Variants in BAZ2A observed in about 807,000 individuals in gnomAD.
BAZ2A encodes the protein bromodomain adjacent to zinc finger domain protein 2A.
Under a neutral mutation model 199.9 loss-of-function variants are expected in BAZ2A, and 34 were observed. That is an observed-to-expected ratio of 0.17 (90% CI 0.13 to 0.23). BAZ2A has a LOEUF of 0.23. BAZ2A is among the 10% of genes least tolerant of loss of function. The pLI, the probability that BAZ2A is intolerant of heterozygous loss-of-function variation, is 1.00. For synonymous variants in BAZ2A, 857 were observed against 883.9 expected, an observed-to-expected ratio of 0.97 and a Z score of 0.54; for missense variants, 2,002 against 2,391.1, an observed-to-expected ratio of 0.84 and a Z score of 3.39.
At chr12:56,615,703 A>G (rs1196831573) in intron 2 of BAZ2A, 96 bp from the exon 3 acceptor site, 9 of 991,126 alleles carry the variant, frequency 9.1e-6, no homozygotes, top group Non-Finnish European at 1.2e-5. Context: ...AGAAAAAGAC[A>G]TGGTAAAGGG....
chr12:56,607,373 A>AC (rs1950396026), intron 10 of BAZ2A, among the ~76,000 whole-genome samples: 1 of 152,134 alleles, frequency 6.6e-6, no homozygotes, highest in Admixed American at 6.5e-5. Context: ...GACTATATAT[A>AC]CATATATATA....
chr12:56,625,629 G>A (rs976829743), intron 1 of BAZ2A, among the ~76,000 whole-genome samples: 7 of 151,930 alleles, frequency 4.6e-5, no homozygotes, highest in African/African-American at 1.7e-4. Flanking sequence ...TGTAATCCCA[G>A]CACTTTGGGA....
At chr12:56,632,236 A>T, upstream of BAZ2A, among the ~76,000 whole-genome samples, 1 of 152,208 alleles carries the variant, frequency 6.6e-6, no homozygotes, top group Non-Finnish European at 1.5e-5. Context: ...ACTTCTGCTA[A>T]GAAATGCCTC....
chr12:56,619,406 G>A (rs1438273821), intron 1 of BAZ2A, among the ~76,000 whole-genome samples: 1 of 150,548 alleles, frequency 6.6e-6, no homozygotes, highest in Non-Finnish European at 1.5e-5. Flanking sequence ...TTACTCGAGA[G>A]GCTAAGGCAG....
chr12:56,609,101 A>G (rs1044732951), intron 10 of BAZ2A, among the ~76,000 whole-genome samples: 2 of 151,550 alleles, frequency 1.3e-5, no homozygotes, highest in African/African-American at 2.4e-5. Context: ...GATGGTCTCA[A>G]TCTCTTGACC....
rs1019335211 is a variant in BAZ2A, at chr12:56,597,657, C to CACAA, written c.*960_*961insTTGT. ...AGGCCGACACACACACACACACACACACACACACACACACACAGCGCTCTC... is the reference window on the plus strand; with the variant it reads ...AGGCCGACACACACACACACACACACACAAACACACACACACACACAGCGCTCTC... On this transcript the variant is annotated 3_prime_UTR_variant, in exon 29 of 29. Transcript: ENST00000549884. The CACAA allele has an allele frequency of 6.4e-6, 1 of 155,370 alleles. No homozygotes were observed. Among genetic ancestry groups the CACAA allele is most frequent in the Non-Finnish European group, 1.4e-5 (1 of 70,918 alleles). The allele number at this position is 155,370 out of a possible 1,614,324, so 9.6% of individuals were successfully genotyped here. A position where few individuals can be genotyped will look rare whatever the true frequency, so the allele number is the denominator to read the frequency against.
chr12:56,607,220 C>G (rs1227417448), intron 10 of BAZ2A, among the ~76,000 whole-genome samples: 2 of 152,304 alleles, frequency 1.3e-5, no homozygotes, highest in South Asian at 2.1e-4. Flanking sequence ...GTGGACACCT[C>G]AAAAGAATCA....
Position 56,617,542 on chromosome 12 carries a change from G to A in BAZ2A, c.-2-10C>T. ...TCGTTTGCCTCCATTTCTGCAGGAG[G>A]GGAGAGAGAGGGAAAAAAAATACTG... is the stretch of plus-strand genomic sequence containing the variant. On this transcript the variant is annotated splice_polypyrimidine_tract_variant and intron_variant, in intron 1 of 28. Transcript: ENST00000549884. 2 of 1,599,090 alleles carry A rather than the reference G, an allele frequency of 1.3e-6. No homozygotes were observed. Among genetic ancestry groups the A allele is most frequent in the South Asian group, 1.1e-5 (1 of 88,528 alleles).
chr12:56,601,143 T>C lies in BAZ2A; in HGVS notation c.4294+37A>G, dbSNP rs1405182296. 1.9e-6 allele frequency: 3 copies of C among 1,613,922 alleles called. No homozygotes were observed. In the South Asian group the frequency reaches 3.3e-5, roughly 18 times the overall value. ...ATGTGGGGCGCCAGCTGTGAAGCAC[T>C]GCCCACACCGGATGCCCTCACTCCA... On this transcript the variant is annotated intron_variant, in intron 21 of 28. Transcript: ENST00000549884.
chr12:56,625,744 C>T (rs1261349567), intron 1 of BAZ2A, among the ~76,000 whole-genome samples: 8 of 151,264 alleles, frequency 5.3e-5, no homozygotes, highest in East Asian at 1.9e-4. Flanking sequence ...GGCATGGTGG[C>T]GCGCGCCTGT....
rs1885947598 is a variant in BAZ2A at position 56,597,600 on chromosome 12, G to GCCACAC, written c.*1017_*1018insGTGTGG. 6.1e-5 allele frequency: 5 copies of GCCACAC among 81,368 alleles called. No homozygotes were observed. The highest frequency in any genetic ancestry group is 1.7e-4 in the African/African-American group (5 of 28,626). 5.0% of individuals were successfully genotyped at this position (81,368 alleles called of 1,614,324 possible). ...CACACACAGCGCGCGCTCTGAGGCT[G>GCCACAC]ACACACACACACACACACACAGCGC... is the stretch of plus-strand genomic sequence containing the variant. On this transcript the variant is annotated 3_prime_UTR_variant, in exon 29 of 29. Transcript: ENST00000549884.
At chr12:56,620,629 G>A (rs946027620) in intron 1 of BAZ2A, among the ~76,000 whole-genome samples, 3 of 150,460 alleles carry the variant, frequency 2.0e-5, no homozygotes, top group South Asian at 2.1e-4. Context: ...GTGTGATCTC[G>A]GCTCACTGCA....
chr12:56,616,197 G>A (rs1565827475), intron 2 of BAZ2A, among the ~76,000 whole-genome samples: 1 of 152,090 alleles, frequency 6.6e-6, no homozygotes, highest in African/African-American at 2.4e-5. Flanking sequence ...CACCACGCCT[G>A]GCCTTTTTTT....
chr12:56,612,292 T>C (rs763363665), intron 5 of BAZ2A, 46 bp from the exon 6 acceptor site: 29 of 1,449,350 alleles, frequency 2.0e-5, no homozygotes, highest in Non-Finnish European at 2.5e-5. Flanking sequence ...AAAAAAGGCA[T>C]CACATAAAAC....
chr12:56,608,071 T>A (rs1410865097), intron 10 of BAZ2A, among the ~76,000 whole-genome samples: 1 of 135,390 alleles, frequency 7.4e-6, no homozygotes, highest in East Asian at 2.1e-4. Flanking sequence ...CAAAACTCCA[T>A]CTGGAAAAAA....
intron 7 of BAZ2A, 106 bp from the exon 8 acceptor site, chr12:56,610,623 T>C: frequency 1.1e-6 from 1 of 924,732 alleles, no homozygotes; most frequent in East Asian, 2.6e-5. Context: ...CACATTTGTA[T>C]CTCTAGAACT....
At position 56,609,975 on chromosome 12, in the gene BAZ2A, A is replaced by G. The variant is rs1043509856; in HGVS notation, c.1882-29T>C. 2.5e-6 allele frequency: 4 copies of G among 1,610,002 alleles called. No homozygotes were observed. The African/African-American group carries it at 5.3e-5, about 22-fold the overall frequency. On this transcript the variant is annotated intron_variant, in intron 9 of 28. Transcript: ENST00000549884. ...AGGTAGCAAGGGAGACTGTTACAGT[A>G]GTAAGGAATCAGTGCAGGCCACGAG... is the stretch of plus-strand genomic sequence containing the variant.
At chr12:56,634,344 T>G (rs561355879), upstream of BAZ2A, among the ~76,000 whole-genome samples, 2 of 151,874 alleles carry the variant, frequency 1.3e-5, no homozygotes, top group Non-Finnish European at 2.9e-5. Flanking sequence ...GGGGCCTTCC[T>G]AGGCTGCACC....
upstream of BAZ2A, chr12:56,634,864 G>A: frequency 1.0e-6 from 1 of 961,860 alleles, no homozygotes. Context: ...GAATCCCGGG[G>A]CAGCAGGGAT....
Sources: allele counts gnomAD v4.1 joint callset (sites outside exome capture counted in the v4.1 genomes callset), GRCh38; gene constraint gnomAD v4.1.1; transcripts MANE v1.5; gene names NCBI Gene and HGNC (gene_info 2026-07-23, HGNC 2026-07-21).